The following SCMH1 variants were observed in gnomAD, a reference collection of about 807,000 sequenced individuals.
The protein encoded by SCMH1 is Scm polycomb group protein homolog 1.
In SCMH1, 37 loss-of-function variants were observed where a neutral mutation model predicts 70.8. The ratio of observed to expected loss-of-function variants is 0.52; its 90% CI spans 0.40 to 0.69. The LOEUF is 0.69. Among genes scored for constraint, SCMH1 ranks in the 30% least tolerant of loss-of-function variants. The pLI is 0.00. For synonymous variants in SCMH1, 292 were observed against 307.4 expected (o/e 0.95, Z 0.52); for missense variants, 607 against 827.3 (o/e 0.73, Z 3.27).
At chr1:41,235,392 G>A (rs1445270298) in intron 1 of SCMH1, among the ~76,000 whole-genome samples, 1 of 151,596 alleles carries the variant, frequency 6.6e-6, no homozygotes, top group Non-Finnish European at 1.5e-5. Flanking sequence ...CCAACATGGT[G>A]AAACCCCGTC....
At chr1:41,124,060 ATTTT>A (rs149155673) in intron 6 of SCMH1, among the ~76,000 whole-genome samples, 2 of 152,128 alleles carry the variant, frequency 1.3e-5, no homozygotes, top group African/African-American at 4.8e-5. Flanking sequence ...AAATAATTTT[ATTTT>A]TTTAATTTTA....
chr1:41,070,767 T>C, intron 9 of SCMH1, 46 bp from the exon 10 acceptor site: 1 of 1,608,476 alleles, frequency 6.2e-7, no homozygotes, highest in Non-Finnish European at 8.5e-7. Flanking sequence ...GACAGGTCTT[T>C]TCATTCCCTA....
chr1:41,181,004 A>G (rs555628793), intron 2 of SCMH1, among the ~76,000 whole-genome samples: 1 of 152,362 alleles, frequency 6.6e-6, no homozygotes, highest in African/African-American at 2.4e-5. Context: ...ACAGAGGTAT[A>G]GACCAATGGA....
intron 2 of SCMH1, among the ~76,000 whole-genome samples, chr1:41,184,252 G>A (rs1649585322): frequency 6.6e-6 from 1 of 152,068 alleles, no homozygotes; most frequent in Admixed American, 6.6e-5. Context: ...CGAGTGCCAG[G>A]CATTTTCATA....
chr1:41,208,378 T>C (rs1443981925), intron 1 of SCMH1, among the ~76,000 whole-genome samples: 1 of 143,388 alleles, frequency 7.0e-6, no homozygotes, highest in Non-Finnish European at 1.5e-5. Flanking sequence ...TATACATATG[T>C]AACTAACCTG....
chr1:41,090,835 C>T (rs746363793), intron 8 of SCMH1, among the ~76,000 whole-genome samples: 58 of 151,850 alleles, frequency 3.8e-4, no homozygotes, highest in Non-Finnish European at 4.7e-4. Context: ...GTCAGGAGAT[C>T]GAGACCATCC....
chr1:41,042,154 C>T (rs934908175), intron 12 of SCMH1, among the ~76,000 whole-genome samples: 2 of 151,900 alleles, frequency 1.3e-5, no homozygotes, highest in African/African-American at 2.4e-5. Flanking sequence ...TACCTCTGTG[C>T]TCTGCTTTCA....
At chr1:41,091,221 C>A (rs1306922670) in intron 8 of SCMH1, among the ~76,000 whole-genome samples, 1 of 152,108 alleles carries the variant, frequency 6.6e-6, no homozygotes, top group Admixed American at 6.6e-5. Context: ...GGATGCAAGG[C>A]TGGTTCAACA....
chr1:41,076,444 A>G (rs1406684683), intron 8 of SCMH1, among the ~76,000 whole-genome samples: 3 of 152,208 alleles, frequency 2.0e-5, no homozygotes, highest in Non-Finnish European at 2.9e-5. Context: ...TAAGTTATAC[A>G]CTGTACTAAG....
chr1:41,178,197 T>G (rs554556867), intron 2 of SCMH1, among the ~76,000 whole-genome samples: 1 of 152,298 alleles, frequency 6.6e-6, no homozygotes, highest in South Asian at 2.1e-4. Context: ...CTGAGAGATT[T>G]TGTCACCACC....
intron 2 of SCMH1, among the ~76,000 whole-genome samples, chr1:41,182,567 A>T (rs1649099892): frequency 6.6e-6 from 1 of 152,064 alleles, no homozygotes; most frequent in Non-Finnish European, 1.5e-5. Context: ...AAAATTAAAA[A>T]ATTAGCTAGG....
At chr1:41,145,129 T>A (rs555734514) in intron 5 of SCMH1, among the ~76,000 whole-genome samples, 1 of 152,248 alleles carries the variant, frequency 6.6e-6, no homozygotes, top group East Asian at 1.9e-4. Flanking sequence ...TTGTTTATGT[T>A]TTTGGTGTTA....
At chr1:41,073,113 T>C (rs1303211312) in intron 9 of SCMH1, among the ~76,000 whole-genome samples, 2 of 151,984 alleles carry the variant, frequency 1.3e-5, no homozygotes, top group African/African-American at 4.8e-5. Context: ...AGTTTTTGAG[T>C]TTTGAATGAT....
intron 5 of SCMH1, among the ~76,000 whole-genome samples, chr1:41,148,902 T>G (rs1273880579): frequency 1.3e-5 from 2 of 152,198 alleles, no homozygotes. Flanking sequence ...AAAATTCTCC[T>G]GCCTCAGCCT....
intron 2 of SCMH1, among the ~76,000 whole-genome samples, chr1:41,171,960 G>A (rs1290305593): frequency 6.6e-6 from 1 of 152,126 alleles, no homozygotes; most frequent in Non-Finnish European, 1.5e-5. Context: ...GGGAGGGTGA[G>A]ACAGAAGTAT....
intron 6 of SCMH1, among the ~76,000 whole-genome samples, chr1:41,134,284 C>T (rs1642901466): frequency 6.6e-6 from 1 of 152,146 alleles, no homozygotes; most frequent in African/African-American, 2.4e-5. Context: ...GGACGTATCT[C>T]AAAATAATAA....
intron 8 of SCMH1, among the ~76,000 whole-genome samples, chr1:41,081,819 T>TAA (rs34212860): frequency 5.0e-4 from 74 of 148,358 alleles, no homozygotes; most frequent in Middle Eastern, 3.4e-3. Context: ...GACTCTGTCT[T>TAA]AAAAAAAAAA....
chr1:41,221,871 G>A (rs924849414), intron 1 of SCMH1, among the ~76,000 whole-genome samples: 4 of 137,882 alleles, frequency 2.9e-5, no homozygotes, highest in Admixed American at 7.7e-5. Flanking sequence ...TCCAGCCTGG[G>A]TGACAGAGCA....
chr1:41,113,248 G>A lies in SCMH1; in HGVS notation c.745+35C>T. 2 of 1,601,488 alleles carry A rather than the reference G, an allele frequency of 1.2e-6. No individual in the cohort carries two copies. Among genetic ancestry groups the A allele is most frequent in the East Asian group, 2.2e-5 (1 of 44,810 alleles). On this transcript the variant is annotated intron_variant, in intron 8 of 14. Coordinates refer to ENST00000337495, the Ensembl canonical transcript of SCMH1. The surrounding 1 kb of genome is among the most constrained non-coding windows in gnomAD (Gnocchi z 4.3). ...CTGGGTAGTCTCCCTTATCATCTGG[G>A]TCCTGATTTCAAGAGCACGTAGATG...
Sources: gnomAD v4.1 joint callset for allele counts (sites outside exome capture counted in the v4.1 genomes callset) on GRCh38, gnomAD v4.1.1 for gene constraint, Gnocchi (gnomAD v3.1) non-coding constraint, MANE v1.5 for transcripts, NCBI Gene and HGNC (gene_info 2026-07-23, HGNC 2026-07-21) for gene names.